ADAMTSL3: variants seen among roughly 807,000 people sequenced by gnomAD.
ADAMTSL3 encodes the protein ADAMTS-like protein 3.
Under a neutral mutation model 201.7 loss-of-function variants are expected in ADAMTSL3, and 128 were observed. The ratio of observed to expected loss-of-function variants is 0.63; its 90% confidence interval spans 0.55 to 0.73. The LOEUF is 0.73. Among genes scored for constraint, ADAMTSL3 ranks in the 30% least tolerant of loss-of-function variants. The pLI is 0.00. For missense variants in ADAMTSL3, 1,990 were observed against 2,119.6 expected (o/e 0.94, Z 1.20); for synonymous variants, 738 against 748.4 (o/e 0.99, Z 0.23).
intron 17 of ADAMTSL3, among the ~76,000 whole-genome samples, chr15:83,926,879 A>G (rs1487056548): frequency 1.3e-5 from 2 of 152,122 alleles, no homozygotes; most frequent in Non-Finnish European, 2.9e-5. Context: ...GGCCTCCCAA[A>G]ATGTTGGGAT....
intron 3 of ADAMTSL3, among the ~76,000 whole-genome samples, chr15:83,744,564 CAT>C (rs1407422305): frequency 1.3e-5 from 2 of 152,148 alleles, no homozygotes; most frequent in African/African-American, 2.4e-5. Context: ...AGCTAATTAA[CAT>C]GTATTACTTC....
At chr15:83,749,316 C>CAACT (rs1314147397) in intron 3 of ADAMTSL3, among the ~76,000 whole-genome samples, 2 of 152,076 alleles carry the variant, frequency 1.3e-5, no homozygotes, top group Admixed American at 6.5e-5. Flanking sequence ...TGCCTTCCTG[C>CAACT]AACTAAGTCA....
intron 2 of ADAMTSL3, among the ~76,000 whole-genome samples, chr15:83,668,571 A>G (rs560509362): frequency 6.6e-6 from 1 of 151,968 alleles, no homozygotes; most frequent in African/African-American, 2.4e-5. Flanking sequence ...TTTCATTTTT[A>G]TTTTTGCTAT....
At chr15:83,905,432 G>A (rs919627659) in intron 15 of ADAMTSL3, among the ~76,000 whole-genome samples, 1 of 152,140 alleles carries the variant, frequency 6.6e-6, no homozygotes, top group Admixed American at 6.5e-5. Flanking sequence ...TGTAGGCCAC[G>A]CAGGTTGCTA....
At position 83,991,157 on chromosome 15, in the gene ADAMTSL3, G is replaced by C; in HGVS notation, c.3916G>C (p.Gly1306Arg). 8 of 1,614,222 alleles carry C rather than the reference G, an allele frequency of 5.0e-6. No individual in the cohort carries two copies. Among genetic ancestry groups the C allele is most frequent in the Non-Finnish European group, 6.8e-6 (8 of 1,180,028 alleles). Residue 1306 changes from glycine to arginine, a missense_variant, in exon 23 of 30, where the codon GGA becomes CGA. Gly to Arg is a moderately radical substitution (Grantham distance 125). Coordinates refer to ENST00000286744, the MANE Select transcript of ADAMTSL3 (RefSeq NM_207517.3). ...PEHNHLSVVVGGIVEAALGAN... is the reference protein window; with the variant it reads ...PEHNHLSVVVRGIVEAALGAN... ...GCACAACCATCTGTCTGTTGTGGTTGGAGGCATCGTGGAGGCAGCCCTTGG... is the reference window on the plus strand; with the variant it reads ...GCACAACCATCTGTCTGTTGTGGTTCGAGGCATCGTGGAGGCAGCCCTTGG...
rs117743082 is a variant in ADAMTSL3 at position 83,869,061 on chromosome 15, C to T, written c.803-1741C>T. ...AAAGCAATTACTACTCCAACACAGC[C>T]GCGGAATCCATTGCACGCTACTTGA... On this transcript the variant is annotated intron_variant, in intron 8 of 29. Coordinates refer to ENST00000286744, the MANE Select transcript of ADAMTSL3 (RefSeq NM_207517.3). 6.2e-3 allele frequency among the ~76,000 whole-genome samples: 938 copies of T among 152,218 alleles called. 14 individuals carry two copies. The highest frequency in any genetic ancestry group is 0.029 in the Admixed American group (440 of 15,280).
intron 25 of ADAMTSL3, 26 bp from the exon 26 acceptor site, chr15:84,021,384 C>G: frequency 6.2e-7 from 1 of 1,612,778 alleles, no homozygotes; most frequent in South Asian, 1.1e-5. Flanking sequence ...TTGGGGCTGG[C>G]ATGATATTTT....
intron 4 of ADAMTSL3, among the ~76,000 whole-genome samples, chr15:83,801,692 A>ATATATG (rs1555445626): frequency 2.4e-4 from 21 of 86,198 alleles, no homozygotes; most frequent in South Asian, 7.4e-4. Context: ...ATATATATAT[A>ATATATG]TATGTATGTA....
chr15:83,770,302 A>G (rs1346114658), intron 3 of ADAMTSL3, among the ~76,000 whole-genome samples: 1 of 152,236 alleles, frequency 6.6e-6, no homozygotes, highest in East Asian at 1.9e-4. Flanking sequence ...GGCATTTAAC[A>G]ATTTATCATA....
At chr15:84,025,159 G>A (rs946565594) in intron 26 of ADAMTSL3, 79 bp from the exon 27 acceptor site, 1 of 1,293,458 alleles carries the variant, frequency 7.7e-7, no homozygotes, top group Non-Finnish European at 1.1e-6. Context: ...GTTGGGATCA[G>A]CTTTTTCCTT....
At chr15:83,929,866 C>T (rs578167280) in intron 17 of ADAMTSL3, among the ~76,000 whole-genome samples, 1 of 152,188 alleles carries the variant, frequency 6.6e-6, no homozygotes, top group East Asian at 1.9e-4. Context: ...GACCCACACT[C>T]CTGCTCATTC....
At chr15:83,910,406 AATAC>A in intron 15 of ADAMTSL3, among the ~76,000 whole-genome samples, 1 of 151,490 alleles carries the variant, frequency 6.6e-6, no homozygotes, top group East Asian at 1.9e-4. Flanking sequence ...AATAAAAAAT[AATAC>A]ATAGAAGGAA....
intron 2 of ADAMTSL3, among the ~76,000 whole-genome samples, chr15:83,678,990 A>G (rs1172265770): frequency 6.7e-6 from 1 of 149,838 alleles, no homozygotes; most frequent in Non-Finnish European, 1.5e-5. Flanking sequence ...TTATTCTCCC[A>G]TAGGCCTCAG....
intron 8 of ADAMTSL3, 29 bp downstream of exon 8, chr15:83,858,869 T>C: frequency 6.4e-7 from 1 of 1,557,144 alleles, no homozygotes; most frequent in Non-Finnish European, 8.7e-7. Context: ...TAACATTTTT[T>C]AATATCCTGA....
chr15:83,969,900 TAAAC>T (rs767883898), intron 19 of ADAMTSL3, among the ~76,000 whole-genome samples: 2 of 152,140 alleles, frequency 1.3e-5, no homozygotes, highest in Non-Finnish European at 2.9e-5. Context: ...TAGTCATAAA[TAAAC>T]AAAACAAAAC....
rs756974611 is a variant in ADAMTSL3 at position 83,942,931 on chromosome 15, A to G, written c.2339A>G (p.Gln780Arg). The change falls in exon 19 of 30, where the codon CAG becomes CGG. Residue 780 changes from glutamine (Q) to arginine (R), a missense_variant. Coordinates refer to ENST00000286744, the MANE Select transcript of ADAMTSL3 (RefSeq NM_207517.3). ...QCSRTCGGGT[Q>R]NRRVTCRQLL... ...TCCAGGACTTGTGGCGGGGGAACTC[A>G]GAACAGAAGAGTCACCTGTCGGCAG... is the stretch of plus-strand genomic sequence containing the variant. 3.1e-6 allele frequency: 5 copies of G among 1,605,468 alleles called. No homozygotes were observed. The highest frequency in any genetic ancestry group is 1.7e-4 in the Middle Eastern group (1 of 6,052).
At chr15:84,027,519 G>A (rs1019698549) in intron 27 of ADAMTSL3, among the ~76,000 whole-genome samples, 8 of 152,086 alleles carry the variant, frequency 5.3e-5, no homozygotes, top group Admixed American at 1.3e-4. Flanking sequence ...GGTCATCCTC[G>A]CTAACATGGT....
At chr15:83,824,788 A>C (rs915896918) in intron 6 of ADAMTSL3, 31 of 152,120 alleles carry the variant, frequency 2.0e-4, no homozygotes, top group African/African-American at 7.2e-4. Context: ...TATACATTTA[A>C]GTTTCCTCAG....
At chr15:83,885,250 A>C in intron 10 of ADAMTSL3, 38 bp downstream of exon 10, 95 of 1,484,722 alleles carry the variant, frequency 6.4e-5, no homozygotes, top group Non-Finnish European at 7.7e-5. Context: ...TTTAGAGCTC[A>C]GAGTTAGATA....
Sources: allele counts gnomAD v4.1 joint callset (sites outside exome capture counted in the v4.1 genomes callset), GRCh38; gene constraint gnomAD v4.1.1; transcripts MANE v1.5; gene names NCBI Gene and HGNC (gene_info 2026-07-23, HGNC 2026-07-21).